Variants in ARHGEF6 observed in about 807,000 individuals in gnomAD.
ARHGEF6 encodes rho guanine nucleotide exchange factor 6.
Under a neutral mutation model 70.3 loss-of-function variants are expected in ARHGEF6, and 9 were observed. The ratio of observed to expected loss-of-function variants is 0.13; its 90% CI spans 0.08 to 0.22. ARHGEF6 has a LOEUF of 0.22. Ranked by LOEUF, ARHGEF6 falls within the 10% of genes least tolerant of loss-of-function variation. The probability of loss-of-function intolerance (pLI) is 1.00; values close to 1 mark genes in which losing one functional copy is unlikely to be tolerated. For synonymous variants in ARHGEF6, 201 were observed against 207.8 expected (o/e 0.97, Z 0.28); for missense variants, 470 against 563.0 (o/e 0.83, Z 1.67).
chrX:136,666,108 T>G lies in ARHGEF6; in HGVS notation c.*1921A>C, dbSNP rs1198507173. 8.9e-6 allele frequency: 1 copy of G among 112,567 alleles called. No individual in the cohort carries two copies. The highest frequency in any genetic ancestry group is 9.4e-5 in the Admixed American group (1 of 10,690). 9.3% of individuals were successfully genotyped at this position (112,567 alleles called of 1,213,427 possible). ...TAATTTTTAAGTGAAGGATGTTATA[T>G]CTAAATGGCTGTGCTAAAAAACAGA... On this transcript the variant is annotated 3_prime_UTR_variant, in exon 22 of 22. Coordinates refer to ENST00000250617, the MANE Select transcript of ARHGEF6 (RefSeq NM_004840.3).
intron 20 of ARHGEF6, 62 bp from the exon 21 acceptor site, chrX:136,669,598 T>C (rs2076201529): frequency 1.0e-6 from 1 of 966,877 alleles, no homozygotes; most frequent in Non-Finnish European, 1.5e-6. Flanking sequence ...TTAAAATACT[T>C]AACAATAAAA....
chrX:136,697,249 G>A (rs1416098507), intron 9 of ARHGEF6, among the ~76,000 whole-genome samples: 2 of 111,768 alleles, frequency 1.8e-5, no homozygotes, highest in Non-Finnish European at 3.8e-5. Context: ...AAGAGCTCTT[G>A]CCAAAACAAA....
chrX:136,747,627 AC>A (rs1569418662), intron 2 of ARHGEF6, 35 bp from the exon 3 acceptor site: 4 of 973,430 alleles, frequency 4.1e-6, no homozygotes, highest in Non-Finnish European at 5.9e-6. Flanking sequence ...GTAAGACACT[AC>A]AAGTATTCAA....
At chrX:136,727,395 T>TTCTTTCTC (rs1491576833) in intron 6 of ARHGEF6, among the ~76,000 whole-genome samples, 51 of 53,587 alleles carry the variant, frequency 9.5e-4, no homozygotes, top group Non-Finnish European at 1.3e-3. Flanking sequence ...CTTTCTTTCT[T>TTCTTTCTC]TCTCTCTCTC....
intron 2 of ARHGEF6, among the ~76,000 whole-genome samples, chrX:136,752,411 C>T (rs1284778127): frequency 8.9e-6 from 1 of 111,956 alleles, no homozygotes; most frequent in African/African-American, 3.3e-5. Flanking sequence ...TTGTGAGGTC[C>T]TGGTCTGGTA....
At chrX:136,688,798 T>G (rs1188603341) in intron 10 of ARHGEF6, among the ~76,000 whole-genome samples, 1 of 112,447 alleles carries the variant, frequency 8.9e-6, no homozygotes, top group Non-Finnish European at 1.9e-5. Context: ...ATACCATATT[T>G]TCCTTCTTAA....
At chrX:136,767,464 A>G in intron 2 of ARHGEF6, 1 of 754,937 alleles carries the variant, frequency 1.3e-6, no homozygotes, top group Non-Finnish European at 1.6e-6. Flanking sequence ...TCTCCAGCCC[A>G]GGGATTGTTT....
intron 9 of ARHGEF6, among the ~76,000 whole-genome samples, chrX:136,691,214 T>C (rs1211422351): frequency 8.9e-6 from 1 of 111,902 alleles, no homozygotes; most frequent in Non-Finnish European, 1.9e-5. Context: ...TGCCTAAAGA[T>C]AACAATCCAC....
chrX:136,703,868 T>G (rs2076600971), intron 9 of ARHGEF6, among the ~76,000 whole-genome samples: 1 of 112,761 alleles, frequency 8.9e-6, no homozygotes. Context: ...TTTTTAGACA[T>G]GATGCTATTG....
At chrX:136,739,422 G>T (rs2077020504) in intron 5 of ARHGEF6, among the ~76,000 whole-genome samples, 1 of 111,913 alleles carries the variant, frequency 8.9e-6, no homozygotes, top group South Asian at 3.7e-4. Context: ...CGGGGTCTAT[G>T]AGGTATAGAT....
At chrX:136,731,804 T>C (rs1386858829) in intron 6 of ARHGEF6, among the ~76,000 whole-genome samples, 1 of 112,587 alleles carries the variant, frequency 8.9e-6, no homozygotes, top group Non-Finnish European at 1.9e-5. Flanking sequence ...TATGTCTAAC[T>C]GCTGAATTTC....
Position 136,666,265 on chromosome X carries a change from C to G in ARHGEF6, c.*1764G>C, listed in dbSNP as rs1396122289. 1 of 112,805 alleles carries G rather than the reference C, an allele frequency of 8.9e-6. No homozygotes were observed. Among genetic ancestry groups the G allele is most frequent in the African/African-American group, 3.2e-5 (1 of 30,984 alleles). The allele number at this position is 112,805 out of a possible 1,213,427, so 9.3% of individuals were successfully genotyped here. A position where few individuals can be genotyped will look rare whatever the true frequency, so the allele number is the denominator to read the frequency against. ...TAATTTCTGCTGTGCAGCAAGCAGA[C>G]AACAGCCCTGTACCATGTAGCTATG... On this transcript the variant is annotated 3_prime_UTR_variant, in exon 22 of 22. Transcript: ENST00000250617.
At chrX:136,732,872 T>C (rs1478620122) in intron 5 of ARHGEF6, among the ~76,000 whole-genome samples, 1 of 111,703 alleles carries the variant, frequency 9.0e-6, no homozygotes, top group East Asian at 2.8e-4. Context: ...TCTGTACTTA[T>C]AATGTGCAAT....
chrX:136,691,373 G>A (rs1182592461), intron 9 of ARHGEF6, among the ~76,000 whole-genome samples: 2 of 111,504 alleles, frequency 1.8e-5, no homozygotes, highest in African/African-American at 6.5e-5. Context: ...GCAGTAACTT[G>A]GTGAAAAAAT....
intron 2 of ARHGEF6, among the ~76,000 whole-genome samples, chrX:136,749,342 C>CA (rs1188252980): frequency 3.6e-5 from 4 of 110,203 alleles, no homozygotes; most frequent in South Asian, 3.8e-4. Context: ...AGTAGCAAAG[C>CA]AAAAAAAATC....
intron 4 of ARHGEF6, 67 bp from the exon 5 acceptor site, chrX:136,743,853 G>C: frequency 3.0e-6 from 3 of 1,016,869 alleles, no homozygotes; most frequent in Non-Finnish European, 2.8e-6. Flanking sequence ...AAATGATATG[G>C]ATATAGGCAA....
chrX:136,751,722 G>A (rs922511812), intron 2 of ARHGEF6, among the ~76,000 whole-genome samples: 2 of 111,289 alleles, frequency 1.8e-5, no homozygotes, highest in Non-Finnish European at 3.8e-5. Flanking sequence ...TCTATGAATA[G>A]GGAAGTAGGC....
rs1018738860 is a variant in ARHGEF6, at chrX:136,667,671, A to C, written c.*358T>G. The C allele has an allele frequency of 1.2e-5, 3 of 251,654 alleles. No individual in the cohort carries two copies. The East Asian group carries it at 2.9e-4, about 25-fold the overall frequency. The allele number at this position is 251,654 out of a possible 1,213,427, so 20.7% of individuals were successfully genotyped here. A position where few individuals can be genotyped will look rare whatever the true frequency, so the allele number is the denominator to read the frequency against. On this transcript the variant is annotated 3_prime_UTR_variant, in exon 22 of 22. Coordinates refer to ENST00000250617, the MANE Select transcript of ARHGEF6 (RefSeq NM_004840.3). ...TGAGGGCAATGGCTGTTGCAGAGGC[A>C]CTGTGAACTGAAGGCAATCTGAAGA...
At chrX:136,683,398 G>A (rs1189101257) in intron 12 of ARHGEF6, among the ~76,000 whole-genome samples, 1 of 109,510 alleles carries the variant, frequency 9.1e-6, no homozygotes, top group East Asian at 2.8e-4. Flanking sequence ...CGCTCTTTTT[G>A]CCCAGGTTGG....
Sources: gnomAD v4.1 joint callset for allele counts (sites outside exome capture counted in the v4.1 genomes callset) on GRCh38, gnomAD v4.1.1 for gene constraint, MANE v1.5 for transcripts, NCBI Gene and HGNC (gene_info 2026-07-23, HGNC 2026-07-21) for gene names.